PTPRR: variants seen among roughly 807,000 people sequenced by gnomAD.
PTPRR encodes the protein protein tyrosine phosphatase receptor type R.
PTPRR carries 38 observed loss-of-function variants against 77.2 expected under a neutral mutation model. The ratio of observed to expected loss-of-function variants is 0.49; its 90% CI spans 0.38 to 0.65. The LOEUF is 0.65. Among genes scored for constraint, PTPRR ranks in the 30% least tolerant of loss-of-function variants. The pLI is 0.00. For synonymous variants in PTPRR, 299 were observed against 283.1 expected, an observed-to-expected ratio of 1.06 and a Z score of -0.57; for missense variants, 744 against 799.2, an observed-to-expected ratio of 0.93 and a Z score of 0.83.
chr12:70,683,989 G>A (rs1887766898), intron 10 of PTPRR, 138 bp downstream of exon 10: 2 of 832,150 alleles, frequency 2.4e-6, no homozygotes, highest in Non-Finnish European at 3.6e-6. Context: ...TTATATTTGG[G>A]ATGTATTAAG....
In PTPRR at chr12:70,791,186, T is replaced by C. The variant is rs115029430; in HGVS notation, c.358-26408A>G. On this transcript the variant is annotated intron_variant, in intron 2 of 13. Coordinates refer to ENST00000283228, the MANE Select transcript of PTPRR (RefSeq NM_002849.4). ...TAACTCATTCAGAATAAAATTAGAA[T>C]CTGACATGGTCCTATTTGATCTCTC... Among the ~76,000 whole-genome samples the C allele has an allele frequency of 4.6e-3, 701 of 152,302 alleles. 8 individuals are homozygous for C. The highest frequency in any genetic ancestry group is 0.016 in the African/African-American group (669 of 41,562).
intron 5 of PTPRR, among the ~76,000 whole-genome samples, chr12:70,748,089 A>T (rs979878242): frequency 6.6e-6 from 1 of 151,780 alleles, no homozygotes; most frequent in Admixed American, 6.6e-5. Context: ...CTCACCACAC[A>T]CCCCCGCCAA....
At chr12:70,680,169 C>A (rs1278686029) in intron 10 of PTPRR, among the ~76,000 whole-genome samples, 1 of 152,194 alleles carries the variant, frequency 6.6e-6, no homozygotes, top group Non-Finnish European at 1.5e-5. Context: ...TCCCTTCCCC[C>A]ATCCACAATT....
intron 6 of PTPRR, among the ~76,000 whole-genome samples, chr12:70,730,246 C>G (rs1889605105): frequency 6.6e-6 from 1 of 152,198 alleles, no homozygotes; most frequent in South Asian, 2.1e-4. Context: ...CTTGGTGGCT[C>G]ACTCCTGTAA....
chr12:70,700,769 A>T (rs1333752712), intron 7 of PTPRR, among the ~76,000 whole-genome samples: 1 of 152,118 alleles, frequency 6.6e-6, no homozygotes, highest in Non-Finnish European at 1.5e-5. Flanking sequence ...GGTTTCTTTT[A>T]TACTTCTGAG....
intron 10 of PTPRR, among the ~76,000 whole-genome samples, chr12:70,682,202 C>G (rs1443023293): frequency 6.6e-6 from 1 of 151,016 alleles, no homozygotes; most frequent in Non-Finnish European, 1.5e-5. Context: ...CGCCACCACG[C>G]CCGGCTAATT....
intron 5 of PTPRR, among the ~76,000 whole-genome samples, chr12:70,751,164 C>G (rs534276474): frequency 6.6e-6 from 1 of 152,174 alleles, no homozygotes; most frequent in Non-Finnish European, 1.5e-5. Flanking sequence ...CTGAACGTGT[C>G]CCTCTCCCAG....
intron 5 of PTPRR, among the ~76,000 whole-genome samples, chr12:70,752,695 T>C (rs988523660): frequency 1.3e-5 from 2 of 152,224 alleles, no homozygotes; most frequent in African/African-American, 4.8e-5. Context: ...TCCACTTTTA[T>C]CACTTTCAAT....
At chr12:70,640,469 C>T (rs964628586) in intron 13 of PTPRR, among the ~76,000 whole-genome samples, 2 of 152,078 alleles carry the variant, frequency 1.3e-5, no homozygotes, top group African/African-American at 4.8e-5. Flanking sequence ...GGTGTCCAGT[C>T]CTATAATTAT....
chr12:70,734,351 G>A (rs1262697594), intron 6 of PTPRR, among the ~76,000 whole-genome samples: 1 of 152,150 alleles, frequency 6.6e-6, no homozygotes, highest in East Asian at 1.9e-4. Context: ...AAGACAAAAA[G>A]AACTTTATAG....
chr12:70,667,618 G>T (rs1887059993), intron 10 of PTPRR, among the ~76,000 whole-genome samples: 2 of 152,104 alleles, frequency 1.3e-5, no homozygotes, highest in Admixed American at 6.5e-5. Context: ...TTTGCTTCCT[G>T]TTGAATCTAT....
intron 6 of PTPRR, among the ~76,000 whole-genome samples, chr12:70,721,846 T>C (rs1015080551): frequency 1.3e-5 from 2 of 152,100 alleles, no homozygotes; most frequent in Non-Finnish European, 2.9e-5. Flanking sequence ...GATAGTTGGA[T>C]GATTATTGGA....
At chr12:70,650,825 C>T (rs1240645159) in intron 13 of PTPRR, among the ~76,000 whole-genome samples, 2 of 152,152 alleles carry the variant, frequency 1.3e-5, no homozygotes, top group East Asian at 3.9e-4. Context: ...ATTACTTTGG[C>T]ACCAAACTAA....
At chr12:70,668,099 G>A (rs1887076617) in intron 10 of PTPRR, among the ~76,000 whole-genome samples, 1 of 152,084 alleles carries the variant, frequency 6.6e-6, no homozygotes, top group South Asian at 2.1e-4. Flanking sequence ...TTGAATGTAA[G>A]CAATCATACA....
intron 2 of PTPRR, among the ~76,000 whole-genome samples, chr12:70,805,359 CA>C (rs1891691079): frequency 6.6e-6 from 1 of 151,742 alleles, no homozygotes; most frequent in East Asian, 1.9e-4. Context: ...ATTTTTGGGA[CA>C]GGATCTCATT....
intron 2 of PTPRR, among the ~76,000 whole-genome samples, chr12:70,777,272 T>G (rs1220576697): frequency 6.6e-6 from 1 of 152,114 alleles, no homozygotes; most frequent in Non-Finnish European, 1.5e-5. Context: ...AGATGTGTTT[T>G]ATTGCTTTGC....
intron 2 of PTPRR, among the ~76,000 whole-genome samples, chr12:70,866,285 T>G (rs1892846811): frequency 6.6e-6 from 1 of 152,102 alleles, no homozygotes; most frequent in African/African-American, 2.4e-5. Context: ...GATAGACCGC[T>G]AGCAAGACTA....
chr12:70,895,208 A>G lies in PTPRR; in HGVS notation c.59-2231T>C, dbSNP rs552823954. 2.6e-3 allele frequency among the ~76,000 whole-genome samples: 401 copies of G among 151,842 alleles called. 2 individuals are homozygous for G. The highest frequency in any genetic ancestry group is 4.6e-3 in the Non-Finnish European group (310 of 67,762). On this transcript the variant is annotated intron_variant, in intron 1 of 13. Coordinates refer to ENST00000283228, the MANE Select transcript of PTPRR (RefSeq NM_002849.4). ...TTCCTCTACTCTGGATTCTCTATAA[A>G]TAGTAAATAAAAAGAAAAAAGCAGC...
Position 70,733,481 on chromosome 12 carries a change from A to AAAAAAAAAAAAAAAAAAAAAAAATTAT in PTPRR, c.1007+12336_1007+12337insATAATTTTTTTTTTTTTTTTTTTTTTT, listed in dbSNP as rs1565672469. Among the ~76,000 whole-genome samples, 35 of 80,816 alleles carry AAAAAAAAAAAAAAAAAAAAAAAATTAT rather than the reference A, an allele frequency of 4.3e-4. 1 individual carries two copies. The highest frequency in any genetic ancestry group is 6.9e-4 in the African/African-American group (11 of 15,860). 53.0% of individuals were successfully genotyped at this position (80,816 alleles called of 152,430 possible). A position where few individuals can be genotyped will look rare whatever the true frequency, so the allele number is the denominator to read the frequency against. On this transcript the variant is annotated intron_variant, in intron 6 of 13. Transcript: ENST00000283228. ...AAGAAAAATTATGGCAAAAAAAAAAAGAAAAAAAAAGAAAAAAAAAGATTT... is the reference window on the plus strand; with the variant it reads ...AAGAAAAATTATGGCAAAAAAAAAAAAAAAAAAAAAAAAAAAAAAAAAATTATGAAAAAAAAAGAAAAAAAAAGATTT...
Sources: allele counts gnomAD v4.1 joint callset (sites outside exome capture counted in the v4.1 genomes callset), GRCh38; gene constraint gnomAD v4.1.1; transcripts MANE v1.5; gene names NCBI Gene and HGNC (gene_info 2026-07-23, HGNC 2026-07-21).